The following GLIS3 variants were observed in gnomAD, a reference collection of about 807,000 sequenced individuals.
GLIS3 encodes the protein zinc finger protein GLIS3.
Under a neutral mutation model 78.6 loss-of-function variants are expected in GLIS3, and 53 were observed. The ratio of observed to expected loss-of-function variants is 0.67; its 90% CI spans 0.54 to 0.85. The LOEUF (loss-of-function observed/expected upper bound fraction) is 0.85. GLIS3 is among the 40% of genes least tolerant of loss of function. GLIS3 has a pLI of 0.00. For synonymous variants in GLIS3, 684 were observed against 509.9 expected, an observed-to-expected ratio of 1.34 and a Z score of -4.60; for missense variants, 1,703 against 1,231.1, an observed-to-expected ratio of 1.38 and a Z score of -5.74.
At chr9:4,011,460 T>C (rs1822004744) in intron 4 of GLIS3, among the ~76,000 whole-genome samples, 3 of 152,176 alleles carry the variant, frequency 2.0e-5, no homozygotes, top group Admixed American at 2.0e-4. Context: ...TTAGGTCCTA[T>C]TAGCAAGGCC....
intron 2 of GLIS3, among the ~76,000 whole-genome samples, chr9:4,242,553 G>A (rs1490613418): frequency 6.6e-6 from 1 of 152,134 alleles, no homozygotes; most frequent in African/African-American, 2.4e-5. Flanking sequence ...CTGGCTGAGG[G>A]AGGTTGTCTC....
At chr9:4,359,183 C>T in the GLIS3 span, among the ~76,000 whole-genome samples, 11 of 152,218 alleles carry the variant, frequency 7.2e-5, no homozygotes, top group South Asian at 6.2e-4. Flanking sequence ...ACACCCTAAA[C>T]GTTCAGGAAC....
At chr9:4,221,637 T>C (rs940526068) in intron 2 of GLIS3, among the ~76,000 whole-genome samples, 1 of 152,154 alleles carries the variant, frequency 6.6e-6, no homozygotes, top group Non-Finnish European at 1.5e-5. Flanking sequence ...GAACTACCAG[T>C]GTATGGAATG....
At chr9:4,075,725 T>C (rs1441635747) in intron 4 of GLIS3, among the ~76,000 whole-genome samples, 1 of 147,034 alleles carries the variant, frequency 6.8e-6, no homozygotes, top group Non-Finnish European at 1.5e-5. Context: ...CACCAAGAAG[T>C]GTATGCATAG....
At chr9:4,005,037 C>T (rs974439842) in intron 4 of GLIS3, among the ~76,000 whole-genome samples, 3 of 152,186 alleles carry the variant, frequency 2.0e-5, no homozygotes, top group Admixed American at 6.5e-5. Context: ...CTGATGCCCC[C>T]AGTGGTGAAT....
chr9:4,203,290 T>A (rs1819568835), intron 2 of GLIS3, among the ~76,000 whole-genome samples: 1 of 152,048 alleles, frequency 6.6e-6, no homozygotes. Flanking sequence ...CTCACACCAG[T>A]CAGAATGGCT....
intron 4 of GLIS3, among the ~76,000 whole-genome samples, chr9:4,007,704 A>C (rs1821666726): frequency 6.6e-6 from 1 of 152,164 alleles, no homozygotes; most frequent in Non-Finnish European, 1.5e-5. Flanking sequence ...ACACATAAGA[A>C]ATACATAAAG....
chr9:3,919,622 C>A (rs1824738806), intron 6 of GLIS3, among the ~76,000 whole-genome samples: 1 of 149,916 alleles, frequency 6.7e-6, no homozygotes, highest in African/African-American at 2.5e-5. Context: ...ACATGTACCC[C>A]TGAACTTAAA....
intron 4 of GLIS3, among the ~76,000 whole-genome samples, chr9:4,058,449 T>TA (rs33952886): frequency 0.28 from 41,465 of 147,612 alleles, 6,343 homozygotes; most frequent in East Asian, 0.38. Flanking sequence ...TTCCCCTATT[T>TA]AAAAAAAAAA....
chr9:4,151,487 G>GA (rs1394125912), intron 2 of GLIS3, among the ~76,000 whole-genome samples: 4 of 152,188 alleles, frequency 2.6e-5, no homozygotes, highest in African/African-American at 9.7e-5. Flanking sequence ...TAGAAAGGGG[G>GA]AAAGTCTAAT....
chr9:4,469,194 T>A, the GLIS3 span, among the ~76,000 whole-genome samples: 1 of 152,074 alleles, frequency 6.6e-6, no homozygotes, highest in East Asian at 1.9e-4. Flanking sequence ...ATGGGAGACT[T>A]TAACACCCCA....
At chr9:3,833,592 G>A (rs919294534) in intron 9 of GLIS3, among the ~76,000 whole-genome samples, 2 of 152,206 alleles carry the variant, frequency 1.3e-5, no homozygotes, top group African/African-American at 4.8e-5. Context: ...TGGCTATCAA[G>A]TGCTGGTTAG....
At chr9:3,844,694 C>T (rs1333451189) in intron 9 of GLIS3, among the ~76,000 whole-genome samples, 3 of 152,182 alleles carry the variant, frequency 2.0e-5, no homozygotes, top group African/African-American at 7.2e-5. Context: ...CTGCAAATGA[C>T]ACAGCTTGAC....
At chr9:4,021,893 A>G (rs996657905) in intron 4 of GLIS3, among the ~76,000 whole-genome samples, 8 of 152,160 alleles carry the variant, frequency 5.3e-5, no homozygotes, top group Non-Finnish European at 1.2e-4. Context: ...AAGCTCCCCC[A>G]GCGGTTATTT....
At chr9:3,891,076 AAAAAAG>A (rs1239706525) in intron 7 of GLIS3, among the ~76,000 whole-genome samples, 4 of 147,956 alleles carry the variant, frequency 2.7e-5, no homozygotes, top group African/African-American at 9.9e-5. Flanking sequence ...CAAAAAAAAA[AAAAAAG>A]AAGAAGAAGA....
At chr9:4,397,078 T>G in the GLIS3 span, among the ~76,000 whole-genome samples, 10 of 140,926 alleles carry the variant, frequency 7.1e-5, no homozygotes, top group South Asian at 2.3e-4. Context: ...CAGGCTGGAG[T>G]GCAGTGGCGC....
At chr9:4,086,295 C>G (rs781403323) in intron 4 of GLIS3, among the ~76,000 whole-genome samples, 1 of 152,198 alleles carries the variant, frequency 6.6e-6, no homozygotes, top group Non-Finnish European at 1.5e-5. Flanking sequence ...TGAAACTTCC[C>G]CAACCCCACC....
chr9:4,379,531 A>T, the GLIS3 span, among the ~76,000 whole-genome samples: 1 of 152,216 alleles, frequency 6.6e-6, no homozygotes, highest in Non-Finnish European at 1.5e-5. Context: ...GGAAATGCTT[A>T]TAAGATGTTT....
intron 7 of GLIS3, among the ~76,000 whole-genome samples, chr9:3,897,900 C>A (rs1822977845): frequency 6.6e-6 from 1 of 152,176 alleles, no homozygotes; most frequent in Non-Finnish European, 1.5e-5. Flanking sequence ...CTGCAACCCA[C>A]AGAAAATAGA....
Sources: gnomAD v4.1 joint callset for allele counts (sites outside exome capture counted in the v4.1 genomes callset) on GRCh38, gnomAD v4.1.1 for gene constraint, MANE v1.5 for transcripts, NCBI Gene and HGNC (gene_info 2026-07-23, HGNC 2026-07-21) for gene names.